The following LINGO2 variants were observed in gnomAD, a reference collection of about 807,000 sequenced individuals.
LINGO2 encodes leucine rich repeat and Ig domain containing 2.
A neutral mutation model predicts 30.6 loss-of-function variants in LINGO2; 14 were observed. The ratio of observed to expected loss-of-function variants is 0.46; its 90% CI spans 0.30 to 0.72. The LOEUF is 0.72. Among genes scored for constraint, LINGO2 ranks in the 30% least tolerant of loss-of-function variants. The probability of loss-of-function intolerance (pLI) is 0.07; values close to 1 mark genes in which losing one functional copy is unlikely to be tolerated. For synonymous variants in LINGO2, 317 were observed against 288.5 expected (o/e 1.10, Z -1.00); for missense variants, 729 against 751.7 (o/e 0.97, Z 0.35).
intron 4 of LINGO2, among the ~76,000 whole-genome samples, chr9:28,127,206 T>C (rs958528513): frequency 6.6e-6 from 1 of 152,310 alleles, no homozygotes; most frequent in South Asian, 2.1e-4. Context: ...GAATCTGGTA[T>C]GGCTTTATGA....
chr9:28,876,322 C>T, the LINGO2 span, among the ~76,000 whole-genome samples: 2 of 151,916 alleles, frequency 1.3e-5, no homozygotes, highest in Non-Finnish European at 2.9e-5. Context: ...CATATGTATA[C>T]ATGTGCCATG....
chr9:28,418,877 T>C (rs1823076646), intron 2 of LINGO2, among the ~76,000 whole-genome samples: 2 of 152,060 alleles, frequency 1.3e-5, no homozygotes, highest in Non-Finnish European at 2.9e-5. Context: ...AAAACTGTCT[T>C]TGAAAATGTG....
chr9:28,203,967 G>A (rs967314183), intron 4 of LINGO2, among the ~76,000 whole-genome samples: 4 of 152,108 alleles, frequency 2.6e-5, no homozygotes, highest in African/African-American at 9.7e-5. Context: ...CTATTCTAGT[G>A]TGCATTCTGA....
At chr9:28,029,280 T>C (rs1275494957) in intron 4 of LINGO2, among the ~76,000 whole-genome samples, 1 of 152,176 alleles carries the variant, frequency 6.6e-6, no homozygotes, top group Non-Finnish European at 1.5e-5. Context: ...ATCCACAGGA[T>C]CGTTTCTTGG....
At chr9:28,918,996 G>A in the LINGO2 span, among the ~76,000 whole-genome samples, 11 of 152,258 alleles carry the variant, frequency 7.2e-5, no homozygotes, top group Non-Finnish European at 1.6e-4. Context: ...TATCCAGTAT[G>A]TTCAATTATA....
chr9:29,049,652 TG>T, the LINGO2 span, among the ~76,000 whole-genome samples: 2 of 152,136 alleles, frequency 1.3e-5, no homozygotes, highest in South Asian at 2.1e-4. Context: ...TGCAACAACA[TG>T]GATGGAACTG....
chr9:27,971,569 A>G (rs1481644630), intron 5 of LINGO2, among the ~76,000 whole-genome samples: 1 of 151,964 alleles, frequency 6.6e-6, no homozygotes, highest in Non-Finnish European at 1.5e-5. Context: ...TTGTATGTTT[A>G]GTAGAGAAGG....
At chr9:29,077,118 A>AT in the LINGO2 span, among the ~76,000 whole-genome samples, 3 of 152,052 alleles carry the variant, frequency 2.0e-5, no homozygotes, top group Non-Finnish European at 4.4e-5. Flanking sequence ...CGCTTTACTT[A>AT]TTTTTTTAAA....
the LINGO2 span, among the ~76,000 whole-genome samples, chr9:29,041,227 A>C: frequency 6.6e-6 from 1 of 152,140 alleles, no homozygotes; most frequent in Admixed American, 6.6e-5. Flanking sequence ...CATAGACTGT[A>C]AGACTCAACA....
chr9:28,329,698 C>A lies in LINGO2; in HGVS notation c.-245-34332G>T, dbSNP rs1388177398. On this transcript the variant is annotated intron_variant, in intron 3 of 5. Coordinates refer to ENST00000379992, the Ensembl canonical transcript of LINGO2. This position sits in a 1 kb window ranked among gnomAD's most constrained non-coding sequence, Gnocchi z 4.5. ...TTTACCACTGCAACTGCTACCTCCC[C>A]CATATTCTTTATCTGGCTAATTTTA... 3.3e-5 allele frequency among the ~76,000 whole-genome samples: 5 copies of A among 152,102 alleles called. No homozygotes were observed. Among genetic ancestry groups the A allele is most frequent in the Admixed American group, 6.6e-5 (1 of 15,266 alleles).
the LINGO2 span, among the ~76,000 whole-genome samples, chr9:28,676,297 G>C: frequency 1.3e-5 from 2 of 151,684 alleles, no homozygotes; most frequent in African/African-American, 4.8e-5. Flanking sequence ...GAGAAGACAG[G>C]AACATAGGAA....
At chr9:28,493,629 G>C (rs1481267391) in intron 1 of LINGO2, among the ~76,000 whole-genome samples, 2 of 152,110 alleles carry the variant, frequency 1.3e-5, no homozygotes, top group Non-Finnish European at 2.9e-5. Context: ...TAGTGTGATG[G>C]TTAATACTAA....
intron 2 of LINGO2, among the ~76,000 whole-genome samples, chr9:28,427,998 T>A (rs565599769): frequency 6.6e-6 from 1 of 152,288 alleles, no homozygotes; most frequent in Non-Finnish European, 1.5e-5. Flanking sequence ...CACATCTGTT[T>A]CCTTTGCAGA....
chr9:28,577,663 G>A (rs1824057214), intron 1 of LINGO2, among the ~76,000 whole-genome samples: 1 of 152,114 alleles, frequency 6.6e-6, no homozygotes, highest in African/African-American at 2.4e-5. Context: ...TGAAACTTTT[G>A]GGTGGTTATA....
intron 1 of LINGO2, among the ~76,000 whole-genome samples, chr9:28,624,784 G>C (rs1826583405): frequency 6.6e-6 from 1 of 151,400 alleles, no homozygotes; most frequent in Admixed American, 6.6e-5. Context: ...GGGAACTAGG[G>C]CCTAGAATGG....
the LINGO2 span, among the ~76,000 whole-genome samples, chr9:28,777,446 G>T: frequency 1.8e-4 from 28 of 152,110 alleles, no homozygotes; most frequent in Non-Finnish European, 3.8e-4. Context: ...TTGAAAGCTG[G>T]AGCAACAGCT....
At chr9:28,001,624 G>A (rs868637821) in intron 5 of LINGO2, among the ~76,000 whole-genome samples, 2 of 152,066 alleles carry the variant, frequency 1.3e-5, no homozygotes, top group Non-Finnish European at 2.9e-5. Flanking sequence ...TCTTTCAGAG[G>A]CATTGTTCCG....
chr9:28,450,862 A>C (rs1342797876), intron 2 of LINGO2, among the ~76,000 whole-genome samples: 1 of 152,014 alleles, frequency 6.6e-6, no homozygotes, highest in African/African-American at 2.4e-5. Flanking sequence ...ATAAAAGTTA[A>C]ACCACATAAA....
At chr9:28,424,500 C>T (rs1271372905) in intron 2 of LINGO2, among the ~76,000 whole-genome samples, 1 of 152,122 alleles carries the variant, frequency 6.6e-6, no homozygotes, top group Non-Finnish European at 1.5e-5. Flanking sequence ...TATGATCAGG[C>T]TCACTGAGAT....
Sources: gnomAD v4.1 joint callset for allele counts (sites outside exome capture counted in the v4.1 genomes callset) on GRCh38, gnomAD v4.1.1 for gene constraint, Gnocchi (gnomAD v3.1) non-coding constraint, MANE v1.5 for transcripts, NCBI Gene and HGNC (gene_info 2026-07-23, HGNC 2026-07-21) for gene names.